ZBTB20: variants seen among roughly 807,000 people sequenced by gnomAD.
ZBTB20 encodes the protein zinc finger and BTB domain-containing protein 20.
ZBTB20 carries 9 observed loss-of-function variants against 56.9 expected under a neutral mutation model. The observed-to-expected ratio is 0.16, with a 90% CI of 0.10 to 0.28. The LOEUF (loss-of-function observed/expected upper bound fraction) is 0.28. ZBTB20 is among the 10% of genes least tolerant of loss of function. The pLI, the probability that ZBTB20 is intolerant of heterozygous loss-of-function variation, is 1.00. For missense variants in ZBTB20, 655 were observed against 1,003.0 expected (o/e 0.65, Z 4.69); for synonymous variants, 417 against 420.7 (o/e 0.99, Z 0.11).
At chr3:114,760,663 C>G (rs1199353055) in intron 5 of ZBTB20, among the ~76,000 whole-genome samples, 1 of 152,130 alleles carries the variant, frequency 6.6e-6, no homozygotes, top group Admixed American at 6.6e-5. Context: ...GTCTTGATAT[C>G]ATCAAAAAAG....
intron 1 of ZBTB20, among the ~76,000 whole-genome samples, chr3:115,129,295 T>C (rs1276964176): frequency 6.6e-6 from 1 of 152,180 alleles, no homozygotes; most frequent in Non-Finnish European, 1.5e-5. Context: ...GTATAATATA[T>C]TTAGACTTAG....
intron 6 of ZBTB20, among the ~76,000 whole-genome samples, chr3:114,689,888 T>C (rs1339649198): frequency 6.6e-6 from 1 of 152,162 alleles, no homozygotes; most frequent in Non-Finnish European, 1.5e-5. Flanking sequence ...GGTCTTTTCT[T>C]GTGACACCTG....
chr3:114,698,103 T>C (rs558891393), intron 5 of ZBTB20, among the ~76,000 whole-genome samples: 1 of 152,174 alleles, frequency 6.6e-6, no homozygotes, highest in Non-Finnish European at 1.5e-5. Context: ...ACCATGGATT[T>C]GGTCCTACTG....
chr3:114,884,157 C>A (rs1201183208), intron 4 of ZBTB20, among the ~76,000 whole-genome samples: 3 of 151,162 alleles, frequency 2.0e-5, no homozygotes, highest in Non-Finnish European at 3.0e-5. Context: ...GATCTCCTGA[C>A]CTCGTGATCC....
Position 114,324,752 on chromosome 3 carries a change from A to G in ZBTB20, c.*14253T>C, listed in dbSNP as rs1323178877. ...TTTCTTAAGGAGCTTACTTCTTTCT[A>G]AAGATTAGTCTAGAATTAGTTTGGG... On this transcript the variant is annotated 3_prime_UTR_variant, in exon 12 of 12. Transcript: ENST00000675478. The G allele has an allele frequency of 6.6e-6, 1 of 152,206 alleles. No homozygotes were observed. Among genetic ancestry groups the G allele is most frequent in the East Asian group, 1.9e-4 (1 of 5,206 alleles). 9.4% of individuals were successfully genotyped at this position (152,206 alleles called of 1,614,324 possible). A position where few individuals can be genotyped will look rare whatever the true frequency, so the allele number is the denominator to read the frequency against.
At position 114,334,265 on chromosome 3, in the gene ZBTB20, G is replaced by T. The variant is rs2079372909; in HGVS notation, c.*4740C>A. The T allele has an allele frequency of 6.6e-6, 1 of 152,240 alleles. No individual in the cohort carries two copies. Among genetic ancestry groups the T allele is most frequent in the Non-Finnish European group, 1.5e-5 (1 of 68,066 alleles). 9.4% of individuals were successfully genotyped at this position (152,240 alleles called of 1,614,324 possible). A position where few individuals can be genotyped will look rare whatever the true frequency, so the allele number is the denominator to read the frequency against. On this transcript the variant is annotated 3_prime_UTR_variant, in exon 12 of 12. Transcript: ENST00000675478. ...TGTGACTCCTGGCCAGATCCACCTT[G>T]CTCCCTGTCTTCCTAGGGGTCACAG...
chr3:114,735,070 A>G (rs2066047948), intron 5 of ZBTB20, among the ~76,000 whole-genome samples: 1 of 151,594 alleles, frequency 6.6e-6, no homozygotes, highest in Non-Finnish European at 1.5e-5. Flanking sequence ...TTATTTGAGT[A>G]TCTGCTATAT....
At chr3:114,472,295 A>T (rs776193126) in intron 7 of ZBTB20, among the ~76,000 whole-genome samples, 4 of 152,172 alleles carry the variant, frequency 2.6e-5, no homozygotes, top group Admixed American at 1.3e-4. Context: ...AAACTTTCAG[A>T]TTTTCCAAAT....
chr3:114,646,253 G>T (rs1288023005), intron 6 of ZBTB20, among the ~76,000 whole-genome samples: 1 of 151,814 alleles, frequency 6.6e-6, no homozygotes, highest in Non-Finnish European at 1.5e-5. Context: ...CACTCAGTAG[G>T]ACTGGTGGAT....
intron 4 of ZBTB20, among the ~76,000 whole-genome samples, chr3:114,805,600 A>G (rs1173142633): frequency 4.0e-5 from 6 of 151,488 alleles, no homozygotes; most frequent in East Asian, 1.9e-4. Context: ...TTTAATAAAC[A>G]TAACAGTTTA....
chr3:114,691,448 T>C (rs1269611925), intron 6 of ZBTB20, among the ~76,000 whole-genome samples: 2 of 152,086 alleles, frequency 1.3e-5, no homozygotes, highest in African/African-American at 4.8e-5. Context: ...AGATTTTTTA[T>C]CATAAAAAAT....
chr3:114,497,004 T>G (rs2043355525), intron 7 of ZBTB20, among the ~76,000 whole-genome samples: 1 of 152,168 alleles, frequency 6.6e-6, no homozygotes, highest in Non-Finnish European at 1.5e-5. Flanking sequence ...CAAATTGAGG[T>G]CTTTGCTGAA....
At chr3:114,961,424 C>T (rs1202651385) in intron 3 of ZBTB20, among the ~76,000 whole-genome samples, 1 of 152,040 alleles carries the variant, frequency 6.6e-6, no homozygotes, top group Non-Finnish European at 1.5e-5. Context: ...GGGTACCATA[C>T]AGCTATCTAG....
intron 7 of ZBTB20, among the ~76,000 whole-genome samples, chr3:114,421,522 G>C (rs10511331): frequency 0.066 from 10,103 of 152,190 alleles, 430 homozygotes; most frequent in East Asian, 0.19. Context: ...CTTTTGTACT[G>C]GGTCATGCCG....
intron 1 of ZBTB20, among the ~76,000 whole-genome samples, chr3:115,073,474 T>C (rs2082485101): frequency 6.6e-6 from 1 of 151,990 alleles, no homozygotes; most frequent in East Asian, 1.9e-4. Context: ...TTCCAACCTC[T>C]CTCAAAAAGA....
chr3:115,054,604 C>T (rs1252959319), intron 2 of ZBTB20, among the ~76,000 whole-genome samples: 1 of 152,046 alleles, frequency 6.6e-6, no homozygotes, highest in African/African-American at 2.4e-5. Flanking sequence ...ATTAATAATG[C>T]ATAATTAATT....
At chr3:114,867,901 T>C (rs2075832685) in intron 4 of ZBTB20, among the ~76,000 whole-genome samples, 1 of 152,168 alleles carries the variant, frequency 6.6e-6, no homozygotes, top group African/African-American at 2.4e-5. Flanking sequence ...ATCTTTGAAA[T>C]ACCCATTCAA....
intron 6 of ZBTB20, among the ~76,000 whole-genome samples, chr3:114,682,116 T>G (rs2062011341): frequency 6.6e-6 from 1 of 152,196 alleles, no homozygotes; most frequent in Non-Finnish European, 1.5e-5. Flanking sequence ...GGAATAAATC[T>G]TCACAAAAAT....
At chr3:114,475,787 T>G (rs1206151349) in intron 7 of ZBTB20, among the ~76,000 whole-genome samples, 1 of 152,216 alleles carries the variant, frequency 6.6e-6, no homozygotes, top group African/African-American at 2.4e-5. Flanking sequence ...TATGTAGCAT[T>G]ATTTTTATAC....
Sources: allele counts gnomAD v4.1 joint callset (sites outside exome capture counted in the v4.1 genomes callset), GRCh38; gene constraint gnomAD v4.1.1; transcripts MANE v1.5; gene names NCBI Gene and HGNC (gene_info 2026-07-23, HGNC 2026-07-21).